PLAGL1: variants seen among roughly 807,000 people sequenced by gnomAD.
PLAGL1 encodes PLAG1 like zinc finger 1.
In PLAGL1, 1 loss-of-function variant was observed where a neutral mutation model predicts 4.6. That is an observed-to-expected ratio of 0.22 (90% CI 0.08 to 1.03). PLAGL1 has a LOEUF of 1.03. Among genes scored for constraint, PLAGL1 ranks in the 50% least tolerant of loss-of-function variants. PLAGL1 has a pLI of 0.58. For missense variants in PLAGL1, 464 were observed against 570.4 expected, an observed-to-expected ratio of 0.81 and a Z score of 1.90; for synonymous variants, 240 against 237.8, an observed-to-expected ratio of 1.01 and a Z score of -0.08.
rs185162495 is a variant in PLAGL1, at chr6:144,034,683, T to A, written c.-151+29785A>T. ...CAAACATGGAACTTAACTTTGGAGT[T>A]TATTTTATTCTAAAAATCAGGTTTT... is the stretch of plus-strand genomic sequence containing the variant. On this transcript the variant is annotated intron_variant, in intron 1 of 3. Transcript: ENST00000437412. This position sits in a 1 kb window ranked among gnomAD's most constrained non-coding sequence, Gnocchi z 4.7. Among the ~76,000 whole-genome samples the A allele has an allele frequency of 6.6e-6, 1 of 152,328 alleles. No homozygotes were observed. The highest frequency in any genetic ancestry group is 1.5e-5 in the Non-Finnish European group (1 of 68,028).
chr6:144,052,039 G>T (rs1394635930), intron 1 of PLAGL1, among the ~76,000 whole-genome samples: 1 of 151,946 alleles, frequency 6.6e-6, no homozygotes, highest in Non-Finnish European at 1.5e-5. Context: ...TATTTTTACT[G>T]GTTTCATTTT....
chr6:144,060,645 C>T (rs1799317981), intron 1 of PLAGL1, among the ~76,000 whole-genome samples: 1 of 152,180 alleles, frequency 6.6e-6, no homozygotes. Context: ...AAGTATTCTC[C>T]AAAGCATTCT....
chr6:143,946,161 C>T (rs528674964), intron 7 of PLAGL1, among the ~76,000 whole-genome samples: 13 of 152,320 alleles, frequency 8.5e-5, no homozygotes, highest in African/African-American at 3.1e-4. Flanking sequence ...AGGTTTCACA[C>T]CCTGCAAATA....
rs1433417755 is a variant in PLAGL1 at position 144,064,331 on chromosome 6, CGCGGCACGTGGGCACCT to C, written c.-151+120_-151+136del. On this transcript the variant is annotated intron_variant, in intron 1 of 3. Coordinates refer to the PLAGL1 transcript ENST00000437412. This position sits in a 1 kb window ranked among gnomAD's most constrained non-coding sequence, Gnocchi z 6.8. ...TACCTCGCCTGGCCCGCGGACTCCG[CGCGGCACGTGGGCACCT>C]GCGGCACGGGTTGGAGCCCCCGCCC... 9.6e-4 allele frequency: 146 copies of C among 152,284 alleles called. No individual in the cohort carries two copies. The highest frequency in any genetic ancestry group is 3.4e-3 in the African/African-American group (143 of 41,552). The allele number at this position is 152,284 out of a possible 1,614,324, so 9.4% of individuals were successfully genotyped here. A position where few individuals can be genotyped will look rare whatever the true frequency, so the allele number is the denominator to read the frequency against.
rs1783462849 is a variant in PLAGL1, at chr6:143,961,917, T to C, written c.-398-1375A>G. Among the ~76,000 whole-genome samples the C allele has an allele frequency of 1.3e-5, 2 of 152,238 alleles. No individual in the cohort carries two copies. Among genetic ancestry groups the C allele is most frequent in the African/African-American group, 4.8e-5 (2 of 41,460 alleles). ...AACGTGAGGTACGCAAACCAGGCAG[T>C]GAAGTAGCTTAGCTTCATTGTCAAA... On this transcript the variant is annotated intron_variant, in intron 5 of 7. Coordinates refer to ENST00000674357, the MANE Select transcript of PLAGL1 (RefSeq NM_001317162.2). The surrounding 1 kb of genome is among the most constrained non-coding windows in gnomAD (Gnocchi z 6.5).
chr6:144,048,982 A>C lies in PLAGL1; in HGVS notation c.-151+15486T>G, dbSNP rs1020594928. On this transcript the variant is annotated intron_variant, in intron 1 of 3. Transcript: ENST00000437412. This position sits in a 1 kb window ranked among gnomAD's most constrained non-coding sequence, Gnocchi z 4.8. Reference sequence around the variant, plus strand: ...CATAAGATTGAATGCTTTCAAAATCAACCAGGTCACCTCTTGAATGCTTTG... The same window carrying C: ...CATAAGATTGAATGCTTTCAAAATCCACCAGGTCACCTCTTGAATGCTTTG... 6.6e-6 allele frequency among the ~76,000 whole-genome samples: 1 copy of C among 152,266 alleles called. No homozygotes were observed. The highest frequency in any genetic ancestry group is 1.5e-5 in the Non-Finnish European group (1 of 68,046).
chr6:144,046,315 T>A (rs2128721135), intron 1 of PLAGL1, among the ~76,000 whole-genome samples: 1 of 152,350 alleles, frequency 6.6e-6, no homozygotes, highest in South Asian at 2.1e-4. Context: ...TCCCCATCTT[T>A]GTGGTTTTAT....
At position 143,941,272 on chromosome 6, in the gene PLAGL1, G is replaced by A. The variant is rs1366825555; in HGVS notation, c.*152C>T. The A allele has an allele frequency of 3.5e-6, 2 of 575,536 alleles. No homozygotes were observed. Among genetic ancestry groups the A allele is most frequent in the Non-Finnish European group, 2.9e-6 (1 of 342,484 alleles). 35.7% of individuals were successfully genotyped at this position (575,536 alleles called of 1,614,324 possible). A position where few individuals can be genotyped will look rare whatever the true frequency, so the allele number is the denominator to read the frequency against. On this transcript the variant is annotated 3_prime_UTR_variant, in exon 8 of 8. Transcript: ENST00000674357. This position sits in a 1 kb window ranked among gnomAD's most constrained non-coding sequence, Gnocchi z 6.0. ...AGGACAGATTGGCACAATACATGCA[G>A]TTCGAGAATTCTCTTATCATCTCAA...
At chr6:144,049,383 A>T (rs568301244) in intron 1 of PLAGL1, among the ~76,000 whole-genome samples, 1 of 152,348 alleles carries the variant, frequency 6.6e-6, no homozygotes, top group East Asian at 1.9e-4. Flanking sequence ...CTTGGTATCA[A>T]TTAACTGTGT....
In PLAGL1 at chr6:144,035,787, A is replaced by AT. The variant is rs550875304; in HGVS notation, c.-151+28680dup. 1.8e-3 allele frequency among the ~76,000 whole-genome samples: 268 copies of AT among 152,192 alleles called. 1 individual carries two copies. In the Middle Eastern group the frequency reaches 0.038, roughly 21 times the overall value. ...TTTTTGCCTCTAGATATGATACCTC[A>AT]TTTTTTTAATATGTGTAATGTAGAT... On this transcript the variant is annotated intron_variant, in intron 1 of 3. Coordinates refer to the PLAGL1 transcript ENST00000437412.
rs1428360002 is a variant in PLAGL1 at position 143,942,273 on chromosome 6, G to A, written c.543C>T (p.Cys181=). The A allele has an allele frequency of 6.2e-7, 1 of 1,614,114 alleles. No individual in the cohort carries two copies. The highest frequency in any genetic ancestry group is 1.7e-5 in the Admixed American group (1 of 60,024). The part of the protein sequence containing the change: ...VRRHLVVHTG[C]KDFLCQFCAQ... ...CACAGAACTGGCACAGGAAGTCCTT[G>A]CATCCTGTGTGGACCACCAGGTGGC... The change falls in exon 8 of 8, where the codon TGC becomes TGT. Residue 181 remains cysteine, a synonymous_variant. Coordinates refer to ENST00000674357, the MANE Select transcript of PLAGL1 (RefSeq NM_001317162.2). The surrounding 1 kb of genome is among the most constrained non-coding windows in gnomAD (Gnocchi z 7.6).
upstream of PLAGL1, among the ~76,000 whole-genome samples, chr6:144,010,801 C>G (rs1388449425): frequency 6.6e-6 from 1 of 152,164 alleles, no homozygotes; most frequent in Non-Finnish European, 1.5e-5. This position sits in a 1 kb window ranked among gnomAD's most constrained non-coding sequence, Gnocchi z 4.1. Flanking sequence ...AATAACACCA[C>G]ACATCTACAA....
At chr6:143,996,007 G>A (rs1791526989) in intron 1 of PLAGL1, among the ~76,000 whole-genome samples, 1 of 152,042 alleles carries the variant, frequency 6.6e-6, no homozygotes, top group African/African-American at 2.4e-5. Context: ...AACCAAAAAC[G>A]GTTTAACCTG....
intron 1 of PLAGL1, among the ~76,000 whole-genome samples, chr6:143,998,083 A>G (rs1583553855): frequency 2.0e-5 from 3 of 152,320 alleles, no homozygotes; most frequent in East Asian, 3.9e-4. Flanking sequence ...GTGTGGCTAA[A>G]CTTTACAGTT....
At chr6:144,045,643 G>A (rs1798086411) in intron 1 of PLAGL1, among the ~76,000 whole-genome samples, 1 of 152,082 alleles carries the variant, frequency 6.6e-6, no homozygotes. Context: ...TTTCAACCTT[G>A]ATGAATCTGA....
chr6:143,941,950 A>G lies in PLAGL1; in HGVS notation c.866T>C (p.Val289Ala). 6.2e-7 allele frequency: 1 copy of G among 1,603,682 alleles called. No homozygotes were observed. The highest frequency in any genetic ancestry group is 8.5e-7 in the Non-Finnish European group (1 of 1,174,110). ...PESLASLHPS[V>A]SPGSPPPPLP... ...GGGTGGCGGAGGAGAGCCAGGGGAT[A>G]CCGAGGGGTGGAGGGAGGCCAGGGA... The change falls in exon 8 of 8, where the codon GTA becomes GCA. Residue 289 changes from valine (V) to alanine (A), a missense_variant. By Grantham distance (64) the Val-to-Ala change is moderately conservative. Around this residue, in one of 4 missense-constraint regions of PLAGL1, gnomAD observed 248 missense variants for 250.1 expected, o/e 0.99. Transcript: ENST00000674357. The surrounding 1 kb of genome is among the most constrained non-coding windows in gnomAD (Gnocchi z 6.0).
intron 1 of PLAGL1, among the ~76,000 whole-genome samples, chr6:144,035,315 T>C (rs1444767297): frequency 6.6e-6 from 1 of 152,180 alleles, no homozygotes; most frequent in Non-Finnish European, 1.5e-5. Flanking sequence ...CTTCAGTCTA[T>C]GGCCAAAGGC....
At chr6:143,967,213 A>G (rs1784572900) in intron 3 of PLAGL1, 1 of 152,134 alleles carries the variant, frequency 6.6e-6, no homozygotes, top group Non-Finnish European at 1.5e-5. Flanking sequence ...ATATCTATGT[A>G]TCTTGCAGAG....
At position 143,990,246 on chromosome 6, in the gene PLAGL1, A is replaced by G. The variant is rs1790161569; in HGVS notation, c.-583-5072T>C. ...AGCGATTATCTTGCTTCAGCTTCCC[A>G]AGTAGCTGGGATTACAGGCATGTGC... On this transcript the variant is annotated intron_variant, in intron 1 of 7. Coordinates refer to ENST00000674357, the MANE Select transcript of PLAGL1 (RefSeq NM_001317162.2). This position sits in a 1 kb window ranked among gnomAD's most constrained non-coding sequence, Gnocchi z 5.4. Among the ~76,000 whole-genome samples the G allele has an allele frequency of 6.6e-6, 1 of 151,826 alleles. No individual in the cohort carries two copies. The highest frequency in any genetic ancestry group is 2.1e-4 in the South Asian group (1 of 4,822).
Sources: allele counts gnomAD v4.1 joint callset (sites outside exome capture counted in the v4.1 genomes callset), GRCh38; gene constraint gnomAD v4.1.1; regional missense constraint gnomAD v4.1.1; non-coding constraint Gnocchi (gnomAD v3.1); transcripts MANE v1.5; gene names NCBI Gene and HGNC (gene_info 2026-07-23, HGNC 2026-07-21).